Variants in IL15 observed in about 807,000 individuals in gnomAD.
The protein encoded by IL15 is interleukin-15.
Under a neutral mutation model 19.6 loss-of-function variants are expected in IL15, and 11 were observed. The observed-to-expected ratio is 0.56, with a 90% CI of 0.35 to 0.93. The LOEUF (loss-of-function observed/expected upper bound fraction) is 0.93. Among genes scored for constraint, IL15 ranks in the 40% least tolerant of loss-of-function variants. IL15 has a pLI of 0.01. For missense variants in IL15, 197 were observed against 186.5 expected, an observed-to-expected ratio of 1.06 and a Z score of -0.33; for synonymous variants, 58 against 59.6, an observed-to-expected ratio of 0.97 and a Z score of 0.12.
At chr4:141,670,538 C>T (rs1728137170) in intron 2 of IL15, among the ~76,000 whole-genome samples, 1 of 152,126 alleles carries the variant, frequency 6.6e-6, no homozygotes, top group Admixed American at 6.5e-5. Flanking sequence ...AAGTAGATCA[C>T]TAGAGTTTAA....
At chr4:141,704,838 A>G (rs1729453852) in intron 2 of IL15, among the ~76,000 whole-genome samples, 1 of 151,250 alleles carries the variant, frequency 6.6e-6, no homozygotes, top group African/African-American at 2.4e-5. Context: ...AAATTTATTC[A>G]TTTCTTCCAT....
intron 2 of IL15, among the ~76,000 whole-genome samples, chr4:141,688,033 T>G (rs1728766660): frequency 6.6e-6 from 1 of 152,196 alleles, no homozygotes; most frequent in African/African-American, 2.4e-5. Flanking sequence ...GACAAGTTCT[T>G]TTTGTGCAAG....
chr4:141,693,627 T>G (rs927301117), intron 2 of IL15, among the ~76,000 whole-genome samples: 1 of 152,216 alleles, frequency 6.6e-6, no homozygotes, highest in African/African-American at 2.4e-5. Context: ...CAGTAAATAT[T>G]TATTGAGTGG....
At chr4:141,707,550 A>T (rs900747213) in intron 2 of IL15, among the ~76,000 whole-genome samples, 1 of 152,114 alleles carries the variant, frequency 6.6e-6, no homozygotes. Flanking sequence ...TTTTTCAGGG[A>T]GAGACATTTC....
chr4:141,685,926 T>G (rs371847865), intron 2 of IL15, among the ~76,000 whole-genome samples: 28 of 152,182 alleles, frequency 1.8e-4, no homozygotes, highest in African/African-American at 5.6e-4. Flanking sequence ...TCATTAGTCT[T>G]TATGATTTGT....
chr4:141,730,807 A>C (rs898568221), intron 7 of IL15, among the ~76,000 whole-genome samples: 1 of 152,284 alleles, frequency 6.6e-6, no homozygotes, highest in Admixed American at 6.5e-5. Flanking sequence ...TGCAACAAAG[A>C]GGCATAATCA....
At chr4:141,659,206 CTT>C (rs398064100) in intron 2 of IL15, among the ~76,000 whole-genome samples, 19 of 119,944 alleles carry the variant, frequency 1.6e-4, no homozygotes, top group Non-Finnish European at 1.1e-4. Flanking sequence ...TTCCTGGTGT[CTT>C]TTTTTTTTTT....
rs1005681290 is a variant in IL15 at position 141,733,112 on chromosome 4, T to C, written c.*264T>C. On this transcript the variant is annotated 3_prime_UTR_variant, in exon 8 of 8. Coordinates refer to ENST00000320650, the MANE Select transcript of IL15 (RefSeq NM_000585.5). ...GAAATTGTACATATTTGTGGAATAA[T>C]GTAAAATGTTGAATAAAAATATGTA... 6.6e-6 allele frequency: 2 copies of C among 304,962 alleles called. No homozygotes were observed. The highest frequency in any genetic ancestry group is 1.1e-5 in the Non-Finnish European group (2 of 176,334). The allele number at this position is 304,962 out of a possible 1,614,324, so 18.9% of individuals were successfully genotyped here. A position where few individuals can be genotyped will look rare whatever the true frequency, so the allele number is the denominator to read the frequency against.
chr4:141,660,769 C>G (rs1357757045), intron 2 of IL15, among the ~76,000 whole-genome samples: 1 of 152,086 alleles, frequency 6.6e-6, no homozygotes, highest in Non-Finnish European at 1.5e-5. Context: ...ATAAATAGCA[C>G]TTCAGTGATT....
chr4:141,731,775 G>A (rs760714936), intron 7 of IL15, among the ~76,000 whole-genome samples: 20 of 152,268 alleles, frequency 1.3e-4, no homozygotes, highest in South Asian at 8.3e-4. Flanking sequence ...GATAAATGTC[G>A]CTGATTCTGA....
At chr4:141,654,118 A>G (rs1727505166) in intron 1 of IL15, among the ~76,000 whole-genome samples, 1 of 152,222 alleles carries the variant, frequency 6.6e-6, no homozygotes, top group Admixed American at 6.5e-5. Context: ...TCTAAGGAAC[A>G]ACACCTGATG....
intron 2 of IL15, among the ~76,000 whole-genome samples, chr4:141,661,118 G>T (rs1324822638): frequency 6.6e-6 from 1 of 152,162 alleles, no homozygotes; most frequent in Non-Finnish European, 1.5e-5. Context: ...AAAACCCAGA[G>T]ACAGTGAGTA....
intron 2 of IL15, among the ~76,000 whole-genome samples, chr4:141,711,925 G>A (rs1729728271): frequency 6.6e-6 from 1 of 152,008 alleles, no homozygotes; most frequent in African/African-American, 2.4e-5. Flanking sequence ...ACCATGATCA[G>A]ATTCATTCTG....
intron 2 of IL15, among the ~76,000 whole-genome samples, chr4:141,713,992 C>G (rs1729790495): frequency 6.6e-6 from 1 of 152,072 alleles, no homozygotes; most frequent in Admixed American, 6.6e-5. Flanking sequence ...CACTCCACAA[C>G]CATTCACAAC....
At chr4:141,649,530 G>C (rs1727336603) in intron 1 of IL15, among the ~76,000 whole-genome samples, 2 of 151,996 alleles carry the variant, frequency 1.3e-5, no homozygotes, top group Admixed American at 6.6e-5. Flanking sequence ...GAATTATAAA[G>C]ATTAAAAGAG....
At chr4:141,645,692 AG>A (rs1272446798) in intron 1 of IL15, among the ~76,000 whole-genome samples, 1 of 152,118 alleles carries the variant, frequency 6.6e-6, no homozygotes, top group Non-Finnish European at 1.5e-5. Context: ...CCTAAGAATT[AG>A]GACAAAACAC....
At chr4:141,650,386 A>G (rs996363392) in intron 1 of IL15, among the ~76,000 whole-genome samples, 13 of 152,086 alleles carry the variant, frequency 8.5e-5, no homozygotes, top group African/African-American at 1.9e-4. Flanking sequence ...CGCTTTAGAT[A>G]TAGTCAATAC....
chr4:141,721,425 C>A (rs934995199), intron 4 of IL15: 1 of 622,222 alleles, frequency 1.6e-6, no homozygotes, highest in Non-Finnish European at 3.0e-6. Flanking sequence ...CTGCTGCAAG[C>A]ATAGTAAGAG....
intron 2 of IL15, among the ~76,000 whole-genome samples, chr4:141,708,066 G>A (rs1729584301): frequency 6.6e-6 from 1 of 152,212 alleles, no homozygotes; most frequent in South Asian, 2.1e-4. Context: ...GGCCTTTCAT[G>A]GGAGTAGGTT....
Sources: gnomAD v4.1 joint callset for allele counts (sites outside exome capture counted in the v4.1 genomes callset) on GRCh38, gnomAD v4.1.1 for gene constraint, MANE v1.5 for transcripts, NCBI Gene and HGNC (gene_info 2026-07-23, HGNC 2026-07-21) for gene names.